The following GRIN2A variants were observed in gnomAD, a reference collection of about 807,000 sequenced individuals.
GRIN2A encodes the protein glutamate ionotropic receptor NMDA type subunit 2A.
In GRIN2A, 22 loss-of-function variants were observed where a neutral mutation model predicts 113.4. The ratio of observed to expected loss-of-function variants is 0.19; its 90% CI spans 0.14 to 0.28. The LOEUF (loss-of-function observed/expected upper bound fraction) is 0.28. Ranked by LOEUF, GRIN2A falls within the 10% of genes least tolerant of loss-of-function variation. The pLI, the probability that GRIN2A is intolerant of heterozygous loss-of-function variation, is 1.00. For synonymous variants in GRIN2A, 827 were observed against 738.4 expected (o/e 1.12, Z -1.94); for missense variants, 1,502 against 1,887.0 (o/e 0.80, Z 3.78).
intron 2 of GRIN2A, among the ~76,000 whole-genome samples, chr16:10,028,658 G>A (rs550526540): frequency 9.2e-5 from 14 of 152,232 alleles, no homozygotes; most frequent in Admixed American, 3.3e-4. Context: ...ACCCACCATT[G>A]GACCATCAGG....
chr16:10,090,526 A>C (rs541482058), intron 2 of GRIN2A, among the ~76,000 whole-genome samples: 1 of 152,216 alleles, frequency 6.6e-6, no homozygotes, highest in Non-Finnish European at 1.5e-5. Flanking sequence ...CCACACAAAA[A>C]TTAACTCAAA....
At chr16:10,083,281 A>T (rs2048018876) in intron 2 of GRIN2A, among the ~76,000 whole-genome samples, 1 of 152,218 alleles carries the variant, frequency 6.6e-6, no homozygotes, top group African/African-American at 2.4e-5. Flanking sequence ...ATTTCTTCCA[A>T]CCGCAGACTC....
intron 2 of GRIN2A, among the ~76,000 whole-genome samples, chr16:10,006,058 T>C (rs2046399846): frequency 6.6e-6 from 1 of 152,174 alleles, no homozygotes; most frequent in African/African-American, 2.4e-5. Flanking sequence ...GCTGTTGTAA[T>C]AATAACCTAC....
intron 2 of GRIN2A, among the ~76,000 whole-genome samples, chr16:10,046,146 C>T (rs182855628): frequency 6.6e-6 from 1 of 152,196 alleles, no homozygotes; most frequent in African/African-American, 2.4e-5. Context: ...GCACGTGATC[C>T]AGTTCTGACC....
intron 2 of GRIN2A, among the ~76,000 whole-genome samples, chr16:10,046,039 C>T (rs1167340965): frequency 1.3e-5 from 2 of 152,286 alleles, no homozygotes; most frequent in South Asian, 2.1e-4. Context: ...TATTACCCTT[C>T]GGGGAGGGAA....
chr16:9,905,001 T>C (rs953772423), intron 3 of GRIN2A, among the ~76,000 whole-genome samples: 1 of 152,220 alleles, frequency 6.6e-6, no homozygotes, highest in Non-Finnish European at 1.5e-5. Flanking sequence ...CCATAAATTA[T>C]GGACCACAAA....
intron 2 of GRIN2A, among the ~76,000 whole-genome samples, chr16:9,991,823 T>C (rs950418543): frequency 5.3e-5 from 8 of 152,150 alleles, no homozygotes; most frequent in Non-Finnish European, 8.8e-5. Context: ...CACCACATGT[T>C]CTTACTCATA....
chr16:9,878,615 T>G (rs921264006), intron 4 of GRIN2A, among the ~76,000 whole-genome samples: 1 of 152,186 alleles, frequency 6.6e-6, no homozygotes, highest in Non-Finnish European at 1.5e-5. Context: ...ATCACCGTCA[T>G]CACCATCATC....
intron 4 of GRIN2A, 92 bp downstream of exon 4, chr16:9,890,894 A>G (rs1000673320): frequency 1.2e-6 from 1 of 829,236 alleles, no homozygotes; most frequent in African/African-American, 1.7e-5. Flanking sequence ...GCAGCTCAAC[A>G]GGAAATGCGT....
At chr16:9,804,315 G>A (rs964295570) in intron 10 of GRIN2A, among the ~76,000 whole-genome samples, 2 of 152,228 alleles carry the variant, frequency 1.3e-5, no homozygotes, top group East Asian at 3.9e-4. Flanking sequence ...AGCCTGGTAT[G>A]GGCAGCACTG....
intron 2 of GRIN2A, among the ~76,000 whole-genome samples, chr16:10,147,455 CAAAAAAAAA>C (rs367830700): frequency 1.2e-4 from 9 of 72,918 alleles, no homozygotes; most frequent in East Asian, 4.4e-4. Flanking sequence ...ACTAAAAATA[CAAAAAAAAA>C]AAAAAAAAAA....
intron 2 of GRIN2A, among the ~76,000 whole-genome samples, chr16:9,946,607 C>T (rs1325443349): frequency 1.3e-5 from 2 of 152,144 alleles, no homozygotes; most frequent in African/African-American, 4.8e-5. Context: ...CCTGAGAGCC[C>T]TCATTTTCCT....
Position 10,121,115 on chromosome 16 carries a change from C to T in GRIN2A, c.414+58883G>A, listed in dbSNP as rs533306433. On this transcript the variant is annotated intron_variant, in intron 2 of 12. Transcript: ENST00000330684. ...CACTCTTGGTCAAAGCAGCAATCCACAGCAAGAAGGGTGGGGCAACCACAA... is the reference window on the plus strand; with the variant it reads ...CACTCTTGGTCAAAGCAGCAATCCATAGCAAGAAGGGTGGGGCAACCACAA... Among the ~76,000 whole-genome samples the T allele has an allele frequency of 3.3e-5, 5 of 152,326 alleles. No homozygotes were observed. In the South Asian group the frequency reaches 1.0e-3, roughly 32 times the overall value.
At chr16:9,884,910 T>C (rs1016725102) in intron 4 of GRIN2A, among the ~76,000 whole-genome samples, 2 of 151,654 alleles carry the variant, frequency 1.3e-5, no homozygotes, top group African/African-American at 2.4e-5. Flanking sequence ...ATTTTTTTTT[T>C]GTATTTTTAG....
chr16:10,114,441 G>C (rs1049969652), intron 2 of GRIN2A, among the ~76,000 whole-genome samples: 3 of 152,182 alleles, frequency 2.0e-5, no homozygotes, highest in African/African-American at 7.2e-5. Flanking sequence ...AAGCAAAGCA[G>C]GCAGATGCTG....
At chr16:10,117,848 T>C in intron 2 of GRIN2A, among the ~76,000 whole-genome samples, 1 of 152,226 alleles carries the variant, frequency 6.6e-6, no homozygotes, top group East Asian at 1.9e-4. Context: ...ATAGAATATC[T>C]TTCCTCATCA....
At chr16:9,766,936 T>G (rs193285471) in intron 12 of GRIN2A, among the ~76,000 whole-genome samples, 18 of 152,320 alleles carry the variant, frequency 1.2e-4, no homozygotes, top group Admixed American at 1.2e-3. Flanking sequence ...TGGATTTACT[T>G]CATTTCTTAA....
chr16:10,106,907 G>A (rs985015454), intron 2 of GRIN2A, among the ~76,000 whole-genome samples: 4 of 152,124 alleles, frequency 2.6e-5, no homozygotes, highest in African/African-American at 9.7e-5. Flanking sequence ...CCGAGAACAT[G>A]CCAGAATAGA....
rs558611782 is a variant in GRIN2A, at chr16:10,147,225, G to C, written c.414+32773C>G. On this transcript the variant is annotated intron_variant, in intron 2 of 12. Transcript: ENST00000330684. ...TAGGAGCTTAACGAGCAGCAATTTT[G>C]CCCTCCCCCCAGCAAATAATTGTCT... 4.6e-5 allele frequency among the ~76,000 whole-genome samples: 7 copies of C among 152,054 alleles called. No homozygotes were observed. The East Asian group carries it at 1.4e-3, about 29-fold the overall frequency.
Sources: gnomAD v4.1 joint callset for allele counts (sites outside exome capture counted in the v4.1 genomes callset) on GRCh38, gnomAD v4.1.1 for gene constraint, MANE v1.5 for transcripts, NCBI Gene and HGNC (gene_info 2026-07-23, HGNC 2026-07-21) for gene names.